FAM78B: variants seen among roughly 807,000 people sequenced by gnomAD.
FAM78B encodes the protein family with sequence similarity 78 member B.
Under a neutral mutation model 20.0 loss-of-function variants are expected in FAM78B, and 10 were observed. The observed-to-expected ratio is 0.50, with a 90% confidence interval of 0.31 to 0.85. The LOEUF (loss-of-function observed/expected upper bound fraction) is 0.85. Ranked by LOEUF, FAM78B falls within the 40% of genes least tolerant of loss-of-function variation. The pLI, the probability that FAM78B is intolerant of heterozygous loss-of-function variation, is 0.05. For synonymous variants in FAM78B, 135 were observed against 132.8 expected (o/e 1.02, Z -0.12); for missense variants, 283 against 345.0 (o/e 0.82, Z 1.42).
At chr1:166,095,329 A>G (rs1653236688) in intron 1 of FAM78B, among the ~76,000 whole-genome samples, 1 of 151,944 alleles carries the variant, frequency 6.6e-6, no homozygotes, top group Non-Finnish European at 1.5e-5. Flanking sequence ...CAAAGCTATC[A>G]TGGGTGAGAA....
At chr1:166,109,062 G>T (rs1653896900) in intron 1 of FAM78B, among the ~76,000 whole-genome samples, 1 of 152,136 alleles carries the variant, frequency 6.6e-6, no homozygotes, top group Non-Finnish European at 1.5e-5. Context: ...AATTCTAGAA[G>T]ATAACACTGG....
intron 1 of FAM78B, among the ~76,000 whole-genome samples, chr1:166,105,149 C>T (rs1471611137): frequency 2.6e-5 from 4 of 152,060 alleles, no homozygotes. Flanking sequence ...ACTGGCTAGC[C>T]ATATGTAGAA....
intron 1 of FAM78B, among the ~76,000 whole-genome samples, chr1:166,079,072 C>T (rs1268297509): frequency 6.6e-6 from 1 of 152,010 alleles, no homozygotes; most frequent in Non-Finnish European, 1.5e-5. Context: ...GCTGGGACTA[C>T]AGGCATGCAC....
At chr1:166,146,704 G>A (rs372825708) in intron 1 of FAM78B, among the ~76,000 whole-genome samples, 4 of 152,326 alleles carry the variant, frequency 2.6e-5, no homozygotes, top group East Asian at 3.9e-4. Flanking sequence ...AGAAGGCAGA[G>A]GGGAAGTGGG....
At chr1:166,112,070 A>C (rs1557904325) in intron 1 of FAM78B, among the ~76,000 whole-genome samples, 1 of 152,260 alleles carries the variant, frequency 6.6e-6, no homozygotes, top group Non-Finnish European at 1.5e-5. Flanking sequence ...CTCCAGAAGC[A>C]GCCTAGCCTC....
At chr1:166,139,436 CA>C (rs1374164668) in intron 1 of FAM78B, among the ~76,000 whole-genome samples, 1 of 152,050 alleles carries the variant, frequency 6.6e-6, no homozygotes, top group Non-Finnish European at 1.5e-5. Context: ...AGAGTTGAAA[CA>C]AAAGTCTCTA....
At chr1:166,079,947 T>C (rs1363629565) in intron 1 of FAM78B, among the ~76,000 whole-genome samples, 1 of 152,220 alleles carries the variant, frequency 6.6e-6, no homozygotes, top group Non-Finnish European at 1.5e-5. Context: ...GTGGTTTCAC[T>C]GCTGCTTGTT....
At chr1:166,143,375 G>C (rs1281988168) in intron 1 of FAM78B, among the ~76,000 whole-genome samples, 1 of 152,030 alleles carries the variant, frequency 6.6e-6, no homozygotes, top group Non-Finnish European at 1.5e-5. Context: ...TACATGCCAT[G>C]TGGTGTAGCT....
chr1:166,166,802 A>AGAGGCAGGCG lies in FAM78B; in HGVS notation c.-564_-555dup, dbSNP rs1421746357. Reference sequence around the variant, plus strand: ...CAGCGGCGGGCGAGCGGGCGGCCCAAGAGGCAGGCGGAGGCAGCAGCGGCG... The same window carrying AGAGGCAGGCG: ...CAGCGGCGGGCGAGCGGGCGGCCCAAGAGGCAGGCGGAGGCAGGCGGAGGCAGCAGCGGCG... On this transcript the variant is annotated 5_prime_UTR_variant, in exon 1 of 2. It introduces an in-frame stop codon into an upstream open reading frame of the 5' UTR. Transcript: ENST00000354422. 38 of 149,828 alleles carry AGAGGCAGGCG rather than the reference A, an allele frequency of 2.5e-4. No individual in the cohort carries two copies. The highest frequency in any genetic ancestry group is 6.7e-4 in the Admixed American group (10 of 14,972). The allele number at this position is 149,828 out of a possible 1,614,324, so 9.3% of individuals were successfully genotyped here.
At chr1:166,148,413 C>T (rs190118789) in intron 1 of FAM78B, among the ~76,000 whole-genome samples, 183 of 152,258 alleles carry the variant, frequency 1.2e-3, no homozygotes, top group African/African-American at 4.4e-3. Context: ...TTATTCTAAC[C>T]TGGTGTTATA....
intron 1 of FAM78B, among the ~76,000 whole-genome samples, chr1:166,114,008 G>T (rs1654165520): frequency 6.6e-6 from 1 of 152,162 alleles, no homozygotes; most frequent in Admixed American, 6.5e-5. Context: ...CCACTAACCT[G>T]AAGACACCTG....
At chr1:166,063,046 C>A (rs1482920608) in intron 2 of FAM78B, among the ~76,000 whole-genome samples, 2 of 152,202 alleles carry the variant, frequency 1.3e-5, no homozygotes, top group Non-Finnish European at 2.9e-5. Flanking sequence ...CCTCATGGAG[C>A]CCCTGGGCCA....
chr1:166,166,132 G>A lies in FAM78B; in HGVS notation c.117C>T (p.Pro39=). 6.2e-7 allele frequency: 1 copy of A among 1,609,892 alleles called. No individual in the cohort carries two copies. Among genetic ancestry groups the A allele is most frequent in the Non-Finnish European group, 8.5e-7 (1 of 1,178,012 alleles). Residue 39 remains proline, a synonymous_variant, in exon 1 of 2, where the codon CCC becomes CCT. Coordinates refer to ENST00000354422, the MANE Select transcript of FAM78B (RefSeq NM_001017961.5). The part of the protein sequence containing the change: ...QCPTRIEETS[P]IVLRYKTPYF... ...AGGGGGTCTTGTAGCGCAGGACGATGGGCGAGGTCTCCTCGATGCGCGTGG... is the reference window on the plus strand; with the variant it reads ...AGGGGGTCTTGTAGCGCAGGACGATAGGCGAGGTCTCCTCGATGCGCGTGG...
rs536751567 is a variant in FAM78B, at chr1:166,137,053, C to G, written c.263+28933G>C. On this transcript the variant is annotated intron_variant, in intron 1 of 1. Transcript: ENST00000354422. ...TTATTTTAGTCCTTTACTTTTCCTA[C>G]AGATCTATAGAAAAGGAGTGTTCCA... Among the ~76,000 whole-genome samples, 17 of 152,270 alleles carry G rather than the reference C, an allele frequency of 1.1e-4. No individual in the cohort carries two copies. In the South Asian group the frequency reaches 2.5e-3, roughly 22 times the overall value.
At chr1:166,076,111 C>A (rs571002552) in intron 1 of FAM78B, among the ~76,000 whole-genome samples, 2 of 152,186 alleles carry the variant, frequency 1.3e-5, no homozygotes, top group Non-Finnish European at 2.9e-5. Flanking sequence ...ACTTTGCGTC[C>A]CTGTTCTATT....
chr1:166,138,126 G>C lies in FAM78B; in HGVS notation c.263+27860C>G, dbSNP rs1324251335. On this transcript the variant is annotated intron_variant, in intron 1 of 1. Transcript: ENST00000354422. ...CTGCACCTAGACTCTCACCTTTACAGAAAGAGGATGACGGCAGTAGGACCT... is the reference window on the plus strand; with the variant it reads ...CTGCACCTAGACTCTCACCTTTACACAAAGAGGATGACGGCAGTAGGACCT... 4.6e-5 allele frequency among the ~76,000 whole-genome samples: 7 copies of C among 152,306 alleles called. No homozygotes were observed. In the South Asian group the frequency reaches 1.5e-3, roughly 32 times the overall value.
chr1:166,166,251 T>C lies in FAM78B; in HGVS notation c.-3A>G. On this transcript the variant is annotated 5_prime_UTR_variant, in exon 1 of 2. Transcript: ENST00000354422. ...GTGATGCTTTGGATACAGCCCATCC[T>C]GCAGCCCGGTGCCGGCACGGCGCGG... The C allele has an allele frequency of 7.1e-7, 1 of 1,403,864 alleles. No homozygotes were observed. The highest frequency in any genetic ancestry group is 9.3e-7 in the Non-Finnish European group (1 of 1,071,234). The allele number at this position is 1,403,864 out of a possible 1,614,324, so 87.0% of individuals were successfully genotyped here.
intron 1 of FAM78B, chr1:166,154,748 G>T (rs748921038): frequency 1.9e-5 from 10 of 521,248 alleles, no homozygotes; most frequent in South Asian, 1.3e-4. Flanking sequence ...ATTAGCCAGT[G>T]ATCCAGGCCC....
chr1:166,105,637 A>T (rs1190316287), intron 1 of FAM78B, among the ~76,000 whole-genome samples: 1 of 152,256 alleles, frequency 6.6e-6, no homozygotes, highest in Non-Finnish European at 1.5e-5. Context: ...AGAGAAATGC[A>T]AATCAAAACC....
Sources: allele counts gnomAD v4.1 joint callset (sites outside exome capture counted in the v4.1 genomes callset), GRCh38; gene constraint gnomAD v4.1.1; transcripts MANE v1.5; gene names NCBI Gene and HGNC (gene_info 2026-07-23, HGNC 2026-07-21).